Variants in MCTP1 observed in about 807,000 individuals in gnomAD.
MCTP1 encodes multiple C2 and transmembrane domain-containing protein 1.
MCTP1 carries 69 observed loss-of-function variants against 120.6 expected under a neutral mutation model. That is an observed-to-expected ratio of 0.57 (90% CI 0.47 to 0.70). MCTP1 has a LOEUF of 0.70. Ranked by LOEUF, MCTP1 falls within the 30% of genes least tolerant of loss-of-function variation. The pLI is 0.00. For synonymous variants in MCTP1, 529 were observed against 493.1 expected (o/e 1.07, Z -0.96); for missense variants, 1,203 against 1,248.8 (o/e 0.96, Z 0.55).
intron 19 of MCTP1, among the ~76,000 whole-genome samples, chr5:94,727,853 C>T (rs1194542554): frequency 6.6e-6 from 1 of 152,168 alleles, no homozygotes; most frequent in African/African-American, 2.4e-5. Context: ...CAGAACAGGA[C>T]TGAGAATTCA....
Position 95,285,089 on chromosome 5 carries a change from G to A in MCTP1, c.-514C>T, listed in dbSNP as rs1256029822. 6.6e-6 allele frequency among the ~76,000 whole-genome samples: 1 copy of A among 152,170 alleles called. No individual in the cohort carries two copies. Among genetic ancestry groups the A allele is most frequent in the African/African-American group, 2.4e-5 (1 of 41,454 alleles). On this transcript the variant is annotated 5_prime_UTR_variant, in exon 1 of 23. Coordinates refer to ENST00000515393, the MANE Select transcript of MCTP1 (RefSeq NM_024717.7). ...GCGCACGCGGCTCACACAACAAGGC[G>A]CGTCTGGCTGGAGACTCCGGGGACC...
intron 17 of MCTP1, among the ~76,000 whole-genome samples, chr5:94,835,175 G>T (rs1281057607): frequency 6.6e-6 from 1 of 152,148 alleles, no homozygotes; most frequent in South Asian, 2.1e-4. Context: ...AGATTTAAGG[G>T]TTTGAGCATT....
chr5:94,934,043 A>G (rs35329539), intron 5 of MCTP1, among the ~76,000 whole-genome samples: 6,587 of 151,896 alleles, frequency 0.043, 189 homozygotes, highest in Middle Eastern at 0.089. Flanking sequence ...GTAACTCTCA[A>G]AATGACCCTA....
At chr5:95,277,068 T>C (rs747043511) in intron 1 of MCTP1, among the ~76,000 whole-genome samples, 1 of 151,926 alleles carries the variant, frequency 6.6e-6, no homozygotes, top group Non-Finnish European at 1.5e-5. Flanking sequence ...CAGGCAGAAT[T>C]CAAGACTCAG....
In MCTP1 at chr5:95,116,547, GTT is replaced by G. The variant is rs761541487; in HGVS notation, c.721-99065_721-99064del. Among the ~76,000 whole-genome samples, 971 of 145,004 alleles carry G rather than the reference GTT, an allele frequency of 6.7e-3. 15 individuals are homozygous for G. Among genetic ancestry groups the G allele is most frequent in the African/African-American group, 0.024 (943 of 39,888 alleles). On this transcript the variant is annotated intron_variant, in intron 1 of 22. Transcript: ENST00000515393. The stretch of plus-strand genomic sequence containing the variant: ...TTTTGGTTTCATATAAATTTTTAAA[GTT>G]TTTTTTTTTTTAATTCTGTGAAGAA...
chr5:95,251,636 C>A (rs1757392269), intron 1 of MCTP1, among the ~76,000 whole-genome samples: 1 of 151,958 alleles, frequency 6.6e-6, no homozygotes, highest in Non-Finnish European at 1.5e-5. Flanking sequence ...CTTGAAATAT[C>A]CCTGGGAATA....
intron 1 of MCTP1, among the ~76,000 whole-genome samples, chr5:95,215,536 C>CA (rs1752943070): frequency 6.6e-6 from 1 of 152,302 alleles, no homozygotes; most frequent in Non-Finnish European, 1.5e-5. Flanking sequence ...AGCAATTACT[C>CA]AAAAACGGAG....
chr5:95,031,504 G>A (rs989830843), intron 1 of MCTP1, among the ~76,000 whole-genome samples: 1 of 152,074 alleles, frequency 6.6e-6, no homozygotes, highest in African/African-American at 2.4e-5. Context: ...AGAGAAAAAT[G>A]CCAGCCAAGA....
In MCTP1 at chr5:94,845,290, C is replaced by T. The variant is rs188365804; in HGVS notation, c.2436+23043G>A. ...GAAGGAAGAGCAACGTCACATCTTACGTGGCAGCAGGCAAAAGAGCGTGTG... is the reference window on the plus strand; with the variant it reads ...GAAGGAAGAGCAACGTCACATCTTATGTGGCAGCAGGCAAAAGAGCGTGTG... On this transcript the variant is annotated intron_variant, in intron 17 of 22. Coordinates refer to ENST00000515393, the MANE Select transcript of MCTP1 (RefSeq NM_024717.7). 2.0e-4 allele frequency among the ~76,000 whole-genome samples: 31 copies of T among 152,260 alleles called. No homozygotes were observed. The East Asian group carries it at 3.9e-3, about 19-fold the overall frequency.
At position 94,953,209 on chromosome 5, in the gene MCTP1, A is replaced by C. The variant is rs766295361; in HGVS notation, c.981+10T>G. 1.9e-6 allele frequency: 3 copies of C among 1,582,522 alleles called. No homozygotes were observed. Among genetic ancestry groups the C allele is most frequent in the Non-Finnish European group, 2.6e-6 (3 of 1,167,812 alleles). ...AGTTTCTATCAGGAAAAAACAAATA[A>C]ATGGCTCACCTTTATATACAATGGC... On this transcript the variant is annotated intron_variant, in intron 3 of 22. Transcript: ENST00000515393.
At chr5:94,949,039 T>A (rs911802442) in intron 3 of MCTP1, among the ~76,000 whole-genome samples, 1 of 152,178 alleles carries the variant, frequency 6.6e-6, no homozygotes, top group Non-Finnish European at 1.5e-5. Context: ...GAAACAGTCA[T>A]GTGGTCCCAT....
At chr5:94,998,471 A>G (rs996191502) in intron 2 of MCTP1, among the ~76,000 whole-genome samples, 3 of 152,196 alleles carry the variant, frequency 2.0e-5, no homozygotes, top group Non-Finnish European at 2.9e-5. Flanking sequence ...TAGGAAACAC[A>G]GACCAACTGA....
At chr5:94,916,217 C>T (rs1356560680) in intron 8 of MCTP1, among the ~76,000 whole-genome samples, 1 of 152,052 alleles carries the variant, frequency 6.6e-6, no homozygotes, top group African/African-American at 2.4e-5. Flanking sequence ...AATAAAATTA[C>T]AGGTAAAGGT....
intron 2 of MCTP1, among the ~76,000 whole-genome samples, chr5:94,998,375 G>C (rs1257336518): frequency 6.6e-6 from 1 of 152,142 alleles, no homozygotes; most frequent in African/African-American, 2.4e-5. Context: ...AAAAGGATTT[G>C]GTCATGGACT....
At chr5:95,002,711 C>A (rs1007672004) in intron 2 of MCTP1, among the ~76,000 whole-genome samples, 1 of 152,156 alleles carries the variant, frequency 6.6e-6, no homozygotes, top group Non-Finnish European at 1.5e-5. Flanking sequence ...ATTTTACAGG[C>A]TCATAGGCAG....
At chr5:95,005,465 C>T (rs142068922) in intron 2 of MCTP1, among the ~76,000 whole-genome samples, 1,833 of 152,180 alleles carry the variant, frequency 0.012, 14 homozygotes, top group Middle Eastern at 0.031. Context: ...GGCTCTGTGT[C>T]CCCACCCCAA....
chr5:94,774,194 C>T lies in MCTP1; in HGVS notation c.2610+4916G>A, dbSNP rs1397098138. 4.4e-4 allele frequency among the ~76,000 whole-genome samples: 10 copies of T among 22,912 alleles called. 2 individuals are homozygous for T. In the Admixed American group the frequency reaches 5.8e-3, roughly 13 times the overall value. The allele number at this position is 22,912 out of a possible 152,430, so 15.0% of individuals were successfully genotyped here. A position where few individuals can be genotyped will look rare whatever the true frequency, so the allele number is the denominator to read the frequency against. On this transcript the variant is annotated intron_variant, in intron 19 of 22. Transcript: ENST00000515393. ...CTGCACTCCAGCCTGGGCGACAGAG[C>T]AAGACTCCGTCTCAAAAAAAAAAAA...
chr5:95,097,883 T>C (rs1427789493), intron 1 of MCTP1, among the ~76,000 whole-genome samples: 1 of 152,198 alleles, frequency 6.6e-6, no homozygotes, highest in Non-Finnish European at 1.5e-5. Context: ...AGTAATGAAA[T>C]GTCATAGCTA....
chr5:94,924,507 C>T (rs1812510032), intron 6 of MCTP1, among the ~76,000 whole-genome samples: 1 of 152,072 alleles, frequency 6.6e-6, no homozygotes. Flanking sequence ...AATTAACAAA[C>T]ATAGTAAGTG....
Sources: gnomAD v4.1 joint callset for allele counts (sites outside exome capture counted in the v4.1 genomes callset) on GRCh38, gnomAD v4.1.1 for gene constraint, MANE v1.5 for transcripts, NCBI Gene and HGNC (gene_info 2026-07-23, HGNC 2026-07-21) for gene names.